Variants in CXCL13 observed in about 807,000 individuals in gnomAD.
The protein encoded by CXCL13 is C-X-C motif chemokine 13.
A neutral mutation model predicts 12.2 loss-of-function variants in CXCL13; 7 were observed. That is an observed-to-expected ratio of 0.57 (90% confidence interval 0.33 to 1.07). The LOEUF (loss-of-function observed/expected upper bound fraction) is 1.07, where lower values mean the gene tolerates loss of function less well. Among genes scored for constraint, CXCL13 ranks in the 50% least tolerant of loss-of-function variants. The pLI, the probability that CXCL13 is intolerant of heterozygous loss-of-function variation, is 0.04. For synonymous variants in CXCL13, 47 were observed against 42.4 expected, an observed-to-expected ratio of 1.11 and a Z score of -0.42; for missense variants, 113 against 127.4, an observed-to-expected ratio of 0.89 and a Z score of 0.55.
chr4:77,608,501 G>A (rs567599863), intron 2 of CXCL13, among the ~76,000 whole-genome samples: 8 of 151,442 alleles, frequency 5.3e-5, no homozygotes, highest in African/African-American at 7.3e-5. Flanking sequence ...CATTTTCCCC[G>A]TTGCAAAGCC....
intron 1 of CXCL13, among the ~76,000 whole-genome samples, chr4:77,573,254 A>C (rs989093397): frequency 6.6e-6 from 1 of 151,930 alleles, no homozygotes; most frequent in African/African-American, 2.4e-5. Context: ...TAAATTTAAA[A>C]AAAAGAAATT....
intron 1 of CXCL13, among the ~76,000 whole-genome samples, chr4:77,543,227 G>A (rs1043763632): frequency 6.6e-6 from 1 of 151,780 alleles, no homozygotes; most frequent in East Asian, 1.9e-4. Flanking sequence ...GTCATTTCTG[G>A]TTGTGCTTAT....
chr4:77,565,294 T>C (rs946851341), intron 1 of CXCL13, among the ~76,000 whole-genome samples: 1 of 152,224 alleles, frequency 6.6e-6, no homozygotes, highest in African/African-American at 2.4e-5. Flanking sequence ...GAATAAGCTG[T>C]AGGCAGATCA....
intron 1 of CXCL13, among the ~76,000 whole-genome samples, chr4:77,553,907 A>G (rs1725594731): frequency 6.6e-6 from 1 of 152,156 alleles, no homozygotes; most frequent in African/African-American, 2.4e-5. Flanking sequence ...TTAATAGCGT[A>G]TTGTATTTGG....
chr4:77,567,380 C>T (rs1026009730), intron 1 of CXCL13, among the ~76,000 whole-genome samples: 3 of 152,138 alleles, frequency 2.0e-5, no homozygotes, highest in African/African-American at 7.2e-5. Flanking sequence ...ATTGGGATTC[C>T]AAGACATGTC....
chr4:77,558,706 G>T (rs958024624), intron 1 of CXCL13, among the ~76,000 whole-genome samples: 6 of 152,120 alleles, frequency 3.9e-5, no homozygotes, highest in African/African-American at 1.4e-4. Context: ...AAGATATGGG[G>T]GGCATCAACT....
At chr4:77,539,320 G>T (rs1194331010) in intron 1 of CXCL13, among the ~76,000 whole-genome samples, 1 of 152,116 alleles carries the variant, frequency 6.6e-6, no homozygotes, top group Non-Finnish European at 1.5e-5. Context: ...AGAGACAGGG[G>T]TTTGCCACTT....
intron 1 of CXCL13, among the ~76,000 whole-genome samples, chr4:77,518,261 C>G (rs1000066223): frequency 6.6e-6 from 1 of 152,148 alleles, no homozygotes; most frequent in East Asian, 1.9e-4. Context: ...GTAAATCTGA[C>G]AATTCTGTGT....
intron 1 of CXCL13, among the ~76,000 whole-genome samples, chr4:77,589,968 C>G (rs1462768396): frequency 1.3e-5 from 2 of 152,090 alleles, no homozygotes; most frequent in African/African-American, 4.8e-5. Flanking sequence ...ATATACATTC[C>G]CCATATTCGC....
chr4:77,602,336 A>G (rs190519536), upstream of CXCL13, among the ~76,000 whole-genome samples: 27 of 152,330 alleles, frequency 1.8e-4, 1 homozygote, highest in East Asian at 1.3e-3. Context: ...TAAGGTATCT[A>G]TGCATCATTT....
intron 1 of CXCL13, among the ~76,000 whole-genome samples, chr4:77,515,510 G>A (rs1201009683): frequency 4.6e-5 from 7 of 151,844 alleles, no homozygotes; most frequent in Non-Finnish European, 8.8e-5. Flanking sequence ...TTCTCCTTGA[G>A]GAGGTCCTTC....
chr4:77,530,076 G>A (rs1046404865), intron 1 of CXCL13, among the ~76,000 whole-genome samples: 4 of 152,086 alleles, frequency 2.6e-5, no homozygotes, highest in African/African-American at 7.2e-5. Context: ...GCTGGATTAC[G>A]TTTATTGATT....
At chr4:77,573,074 G>A (rs1410277040) in intron 1 of CXCL13, among the ~76,000 whole-genome samples, 2 of 151,786 alleles carry the variant, frequency 1.3e-5, no homozygotes, top group African/African-American at 2.4e-5. Context: ...ACCGACACTA[G>A]TGCCTATCAG....
intron 1 of CXCL13, among the ~76,000 whole-genome samples, chr4:77,529,212 T>G (rs1356507390): frequency 1.3e-5 from 2 of 152,212 alleles, no homozygotes; most frequent in Non-Finnish European, 2.9e-5. Flanking sequence ...TCAGGTAGCG[T>G]GATGCCTCCA....
At chr4:77,572,092 G>T (rs1361796535) in intron 1 of CXCL13, among the ~76,000 whole-genome samples, 3 of 151,880 alleles carry the variant, frequency 2.0e-5, no homozygotes, top group Non-Finnish European at 2.9e-5. Flanking sequence ...CACCGCGAGG[G>T]TCCGCGGCTT....
intron 1 of CXCL13, among the ~76,000 whole-genome samples, chr4:77,528,701 G>A (rs1724833134): frequency 6.6e-6 from 1 of 152,126 alleles, no homozygotes; most frequent in Non-Finnish European, 1.5e-5. Flanking sequence ...TGAGTAGATT[G>A]CAAAAATGTT....
intron 1 of CXCL13, among the ~76,000 whole-genome samples, chr4:77,561,916 C>A (rs534804301): frequency 6.6e-6 from 1 of 152,088 alleles, no homozygotes; most frequent in Non-Finnish European, 1.5e-5. Context: ...ACCTGGGCTG[C>A]GCCCAGTGCT....
intron 1 of CXCL13, among the ~76,000 whole-genome samples, chr4:77,517,365 T>G (rs1724450876): frequency 6.6e-6 from 1 of 152,210 alleles, no homozygotes; most frequent in Non-Finnish European, 1.5e-5. Context: ...GTATCCTTGT[T>G]GACTTTCTGT....
chr4:77,570,972 C>T (rs554907769), intron 1 of CXCL13, among the ~76,000 whole-genome samples: 12 of 152,102 alleles, frequency 7.9e-5, no homozygotes, highest in African/African-American at 2.4e-4. Flanking sequence ...CTGTGCAGCC[C>T]GAGACTCCCT....
Sources: allele counts gnomAD v4.1 joint callset (sites outside exome capture counted in the v4.1 genomes callset), GRCh38; gene constraint gnomAD v4.1.1; transcripts MANE v1.5; gene names NCBI Gene and HGNC (gene_info 2026-07-23, HGNC 2026-07-21).